Variants in UBE3B observed in about 807,000 individuals in gnomAD.
UBE3B encodes ubiquitin protein ligase E3B.
Under a neutral mutation model 132.3 loss-of-function variants are expected in UBE3B, and 80 were observed. That is an observed-to-expected ratio of 0.60 (90% confidence interval 0.50 to 0.73). The LOEUF is 0.73. Ranked by LOEUF, UBE3B falls within the 30% of genes least tolerant of loss-of-function variation. The pLI is 0.00. For synonymous variants in UBE3B, 487 were observed against 520.4 expected (o/e 0.94, Z 0.87); for missense variants, 1,196 against 1,362.5 (o/e 0.88, Z 1.92).
At chr12:109,528,946 G>A (rs563775465) in intron 24 of UBE3B, among the ~76,000 whole-genome samples, 39 of 152,246 alleles carry the variant, frequency 2.6e-4, no homozygotes, top group South Asian at 1.9e-3. Flanking sequence ...ATCACCCGAG[G>A]TCAGGAGTTT....
chr12:109,545,152 C>T, the UBE3B span, among the ~76,000 whole-genome samples: 2 of 152,264 alleles, frequency 1.3e-5, no homozygotes, highest in Non-Finnish European at 2.9e-5. Context: ...TCCTGACCTG[C>T]TCCCATCCCA....
chr12:109,540,124 GTCT>G (rs1325952710), downstream of UBE3B, among the ~76,000 whole-genome samples: 4 of 152,188 alleles, frequency 2.6e-5, no homozygotes, highest in Non-Finnish European at 4.4e-5. Flanking sequence ...TGCTGCCGAA[GTCT>G]TCTGCTCCTT....
intron 1 of UBE3B, among the ~76,000 whole-genome samples, chr12:109,478,922 A>T (rs1874841276): frequency 6.6e-6 from 1 of 152,214 alleles, no homozygotes; most frequent in African/African-American, 2.4e-5. Flanking sequence ...TTCCTACTGC[A>T]CAGGGACAAT....
chr12:109,490,804 T>G, intron 8 of UBE3B: 1 of 1,249,616 alleles, frequency 8.0e-7, no homozygotes, highest in Non-Finnish European at 1.1e-6. Flanking sequence ...TGCATACGGT[T>G]TTTTGTTTTT....
At chr12:109,488,726 G>A in intron 7 of UBE3B, 58 bp downstream of exon 7, 1 of 1,546,302 alleles carries the variant, frequency 6.5e-7, no homozygotes, top group Non-Finnish European at 8.9e-7. Context: ...AGAGCTCAGG[G>A]ACCTTTTTTC....
rs200182141 is a variant in UBE3B, at chr12:109,529,972, C to T, written c.2710C>T (p.Arg904Cys). 25 of 1,614,136 alleles carry T rather than the reference C, an allele frequency of 1.5e-5. No individual in the cohort carries two copies. The East Asian group carries it at 3.6e-4, about 23-fold the overall frequency. The stretch of plus-strand genomic sequence containing the variant: ...AACAGCTGCCCTCATTAGCGGATTC[C>T]GTTCCATTATCAAACCCGAGTGGAT... Reference protein sequence around the residue: ...NQTAALISGFRSIIKPEWIRM... With the variant: ...NQTAALISGFCSIIKPEWIRM... The change falls in exon 25 of 28, where the codon CGT becomes TGT. Residue 904 changes from arginine to cysteine, a missense_variant. By Grantham distance (180) the Arg-to-Cys change is radical (BLOSUM62 -3). Transcript: ENST00000342494.
chr12:109,509,509 C>T (rs1324320601), intron 15 of UBE3B, 87 bp from the exon 16 acceptor site: 5 of 759,316 alleles, frequency 6.6e-6, no homozygotes, highest in East Asian at 2.6e-5. Context: ...TTCTCAACCT[C>T]GTTTATTGTC....
chr12:109,486,990 G>A (rs1284255347), intron 6 of UBE3B, among the ~76,000 whole-genome samples: 1 of 152,184 alleles, frequency 6.6e-6, no homozygotes, highest in Non-Finnish European at 1.5e-5. Flanking sequence ...GCTAGAGTAA[G>A]GAGAGCTAGG....
the UBE3B span, among the ~76,000 whole-genome samples, chr12:109,543,547 G>T: frequency 6.6e-6 from 1 of 152,210 alleles, no homozygotes; most frequent in Non-Finnish European, 1.5e-5. Flanking sequence ...ACTTTAAGAA[G>T]GATGCAGGAG....
chr12:109,516,030 G>A (rs1016968515), intron 18 of UBE3B, among the ~76,000 whole-genome samples: 2 of 152,026 alleles, frequency 1.3e-5, no homozygotes, highest in Admixed American at 6.6e-5. Flanking sequence ...AATTATTTTT[G>A]TTCTTAGGAT....
intron 9 of UBE3B, among the ~76,000 whole-genome samples, chr12:109,495,310 CT>C (rs1233289001): frequency 7.9e-5 from 12 of 152,076 alleles, no homozygotes; most frequent in East Asian, 1.9e-4. Context: ...TAGAAGAAAC[CT>C]TTTTTTTCCC....
Position 109,534,283 on chromosome 12 carries a change from A to G in UBE3B, c.3016-308A>G. On this transcript the variant is annotated intron_variant, in intron 27 of 27. Coordinates refer to ENST00000342494, the MANE Select transcript of UBE3B (RefSeq NM_130466.4). This position sits in a 1 kb window ranked among gnomAD's most constrained non-coding sequence, Gnocchi z 5.2. ...AATGTTTGGGCACCTAACAGTTTTTACAGCATTCTACTTTTTGTCAATTGG... is the reference window on the plus strand; with the variant it reads ...AATGTTTGGGCACCTAACAGTTTTTGCAGCATTCTACTTTTTGTCAATTGG... 1 of 1,354,050 alleles carries G rather than the reference A, an allele frequency of 7.4e-7. No individual in the cohort carries two copies. Among genetic ancestry groups the G allele is most frequent in the Non-Finnish European group, 9.5e-7 (1 of 1,049,810 alleles). The allele number at this position is 1,354,050 out of a possible 1,614,324, so 83.9% of individuals were successfully genotyped here. A position where few individuals can be genotyped will look rare whatever the true frequency, so the allele number is the denominator to read the frequency against.
chr12:109,501,879 G>T (rs1384422004), intron 13 of UBE3B, among the ~76,000 whole-genome samples: 8 of 150,914 alleles, frequency 5.3e-5, no homozygotes, highest in African/African-American at 1.7e-4. Context: ...GCCCAGGTTT[G>T]TTTCCAATTC....
intron 24 of UBE3B, among the ~76,000 whole-genome samples, chr12:109,527,049 G>A (rs1882420742): frequency 6.6e-6 from 1 of 152,076 alleles, no homozygotes; most frequent in African/African-American, 2.4e-5. Flanking sequence ...AGGGCACAGA[G>A]GTGGAAAGAC....
intron 27 of UBE3B, chr12:109,533,943 A>G (rs1301184175): frequency 1.5e-6 from 2 of 1,313,298 alleles, no homozygotes; most frequent in African/African-American, 3.0e-5. Context: ...CTCCTACCCC[A>G]GCAGGCTGTG....
chr12:109,480,346 A>G (rs1192833195), intron 1 of UBE3B, among the ~76,000 whole-genome samples: 1 of 152,160 alleles, frequency 6.6e-6, no homozygotes, highest in Non-Finnish European at 1.5e-5. Flanking sequence ...CAATTAATAG[A>G]TGAAGATGGA....
At chr12:109,523,009 C>T (rs1592958192) in intron 21 of UBE3B, among the ~76,000 whole-genome samples, 1 of 152,228 alleles carries the variant, frequency 6.6e-6, no homozygotes, top group Admixed American at 6.5e-5. Context: ...CTCTGAATGT[C>T]ATGCCATTTC....
At chr12:109,489,266 T>C (rs1877015716) in intron 7 of UBE3B, among the ~76,000 whole-genome samples, 1 of 152,104 alleles carries the variant, frequency 6.6e-6, no homozygotes, top group Non-Finnish European at 1.5e-5. Flanking sequence ...CTCATAGATA[T>C]AAAATGACAA....
At position 109,536,110 on chromosome 12, in the gene UBE3B, T is replaced by C. The variant is rs935829548; in HGVS notation, c.*1328T>C. ...AAGCAGGGGCCACCCGTCTCCACAG[T>C]CCTTCAGAGTTTCAGCTGCATCCTG... is the stretch of plus-strand genomic sequence containing the variant. On this transcript the variant is annotated 3_prime_UTR_variant, in exon 28 of 28. Transcript: ENST00000342494. The C allele has an allele frequency of 6.6e-6, 1 of 152,246 alleles. No homozygotes were observed. Among genetic ancestry groups the C allele is most frequent in the Non-Finnish European group, 1.5e-5 (1 of 68,062 alleles). 9.4% of individuals were successfully genotyped at this position (152,246 alleles called of 1,614,324 possible).
Sources: gnomAD v4.1 joint callset for allele counts (sites outside exome capture counted in the v4.1 genomes callset) on GRCh38, gnomAD v4.1.1 for gene constraint, Gnocchi (gnomAD v3.1) non-coding constraint, MANE v1.5 for transcripts, NCBI Gene and HGNC (gene_info 2026-07-23, HGNC 2026-07-21) for gene names.